MAN2C1: variants seen among roughly 807,000 people sequenced by gnomAD.
MAN2C1 encodes mannosidase alpha class 2C member 1.
A neutral mutation model predicts 126.9 loss-of-function variants in MAN2C1; 111 were observed. The observed-to-expected ratio is 0.87, with a 90% CI of 0.75 to 1.02. The LOEUF is 1.02. Ranked by LOEUF, MAN2C1 falls within the 50% of genes least tolerant of loss-of-function variation. The pLI is 0.00. For missense variants in MAN2C1, 1,363 were observed against 1,364.4 expected, an observed-to-expected ratio of 1.00 and a Z score of 0.02; for synonymous variants, 567 against 561.5, an observed-to-expected ratio of 1.01 and a Z score of -0.14.
Position 75,355,873 on chromosome 15 carries a change from G to A in MAN2C1, c.*33C>T. Reference sequence around the variant, plus strand: ...GAAGCAGAAATTAGGAGTCCCCAGAGCCTTCTACAAACAAAACCCCAGCCC... The same window carrying A: ...GAAGCAGAAATTAGGAGTCCCCAGAACCTTCTACAAACAAAACCCCAGCCC... On this transcript the variant is annotated 3_prime_UTR_variant, in exon 26 of 26. Coordinates refer to ENST00000267978, the MANE Select transcript of MAN2C1 (RefSeq NM_006715.4). 6.2e-7 allele frequency: 1 copy of A among 1,613,054 alleles called. No individual in the cohort carries two copies. The highest frequency in any genetic ancestry group is 8.5e-7 in the Non-Finnish European group (1 of 1,179,520).
chr15:75,358,879 G>A (rs575882296), intron 18 of MAN2C1, 71 bp from the exon 19 acceptor site: 6 of 1,416,034 alleles, frequency 4.2e-6, no homozygotes, highest in Non-Finnish European at 4.9e-6. Context: ...TGGTGGGGTA[G>A]GGTGGAGTGA....
rs2072308117 is a variant in MAN2C1 at position 75,356,566 on chromosome 15, T to C, written c.2737+40A>G. 6.4e-7 allele frequency: 1 copy of C among 1,550,822 alleles called. No homozygotes were observed. The highest frequency in any genetic ancestry group is 1.2e-5 in the South Asian group (1 of 84,502). On this transcript the variant is annotated intron_variant, in intron 23 of 25. Coordinates refer to ENST00000267978, the MANE Select transcript of MAN2C1 (RefSeq NM_006715.4). The surrounding 1 kb of genome is among the most constrained non-coding windows in gnomAD (Gnocchi z 5.8). ...GGGCTCAGGGAAGGGCAGAGAGGTG[T>C]CTAGGGCTGCAGGAAGGCCCCACCG...
chr15:75,361,339 G>C lies in MAN2C1; in HGVS notation c.1261C>G (p.Leu421Val). 1 of 1,567,530 alleles carries C rather than the reference G, an allele frequency of 6.4e-7. No homozygotes were observed. Among genetic ancestry groups the C allele is most frequent in the Non-Finnish European group, 8.7e-7 (1 of 1,155,652 alleles). ...FWEGLDGSRV[L>V]VHFPPGDSYG... Reference sequence around the variant, plus strand: ...GAGTCGCCAGGTGGGAAGTGGACCAGTACACGGGAGCCATCCAGGCCCTCC... The same window carrying C: ...GAGTCGCCAGGTGGGAAGTGGACCACTACACGGGAGCCATCCAGGCCCTCC... Residue 421 changes from leucine (L) to valine (V), a missense_variant, in exon 11 of 26, where the codon CTG becomes GTG. By Grantham distance (32) the Leu-to-Val change is conservative. Around this residue, in one of 3 missense-constraint regions of MAN2C1, gnomAD observed 628 missense variants for 609.8 expected, o/e 1.03. Transcript: ENST00000267978. The surrounding 1 kb of genome is among the most constrained non-coding windows in gnomAD (Gnocchi z 5.0).
At position 75,356,890 on chromosome 15, in the gene MAN2C1, G is replaced by A. The variant is rs777713379; in HGVS notation, c.2560C>T (p.Arg854Cys). ...DWARFEVWAHRWMDLSEHGFG... is the reference protein window; with the variant it reads ...DWARFEVWAHCWMDLSEHGFG... ...CCGTGTTCTGACAGATCCATCCAGC[G>A]ATGGGCCCACACCTGGAGGGCAGAT... Residue 854 changes from arginine to cysteine, a missense_variant, in exon 22 of 26, where the codon CGC becomes TGC. Transcript: ENST00000267978. The surrounding 1 kb of genome is among the most constrained non-coding windows in gnomAD (Gnocchi z 5.8). The A allele has an allele frequency of 2.9e-5, 47 of 1,613,870 alleles. No homozygotes were observed. The highest frequency in any genetic ancestry group is 3.8e-5 in the Non-Finnish European group (45 of 1,179,974).
At chr15:75,363,552 T>C (rs974224213) in intron 6 of MAN2C1, among the ~76,000 whole-genome samples, 1 of 152,168 alleles carries the variant, frequency 6.6e-6, no homozygotes, top group Non-Finnish European at 1.5e-5. Flanking sequence ...ATGCCTGTAA[T>C]CCCAGCACTT....
Position 75,368,580 on chromosome 15 carries a change from C to T in MAN2C1, c.4G>A (p.Ala2Thr), listed in dbSNP as rs748986075. The T allele has an allele frequency of 6.5e-7, 1 of 1,542,698 alleles. No individual in the cohort carries two copies. Among genetic ancestry groups the T allele is most frequent in the South Asian group, 1.2e-5 (1 of 83,786 alleles). M[A>T]AAPALKHWRT... ...CAGTGCTTCAAGGCCGGCGCAGCCG[C>T]CATCGCCGGGCTCTCGCTCCTCTTT... is the stretch of plus-strand genomic sequence containing the variant. The change falls in exon 1 of 26, where the codon GCG (alanine) becomes ACG (threonine). Residue 2 changes from alanine to threonine, a missense_variant. Ala to Thr is a moderately conservative substitution (Grantham distance 58). Coordinates refer to ENST00000267978, the MANE Select transcript of MAN2C1 (RefSeq NM_006715.4).
intron 20 of MAN2C1, 23 bp from the exon 21 acceptor site, chr15:75,358,367 G>A (rs1326505334): frequency 6.2e-7 from 1 of 1,613,880 alleles, no homozygotes; most frequent in African/African-American, 1.3e-5. Flanking sequence ...AGGAGGGTGG[G>A]AGTCAGGGAA....
At chr15:75,363,838 G>A in intron 6 of MAN2C1, 161 bp downstream of exon 6, 1 of 701,958 alleles carries the variant, frequency 1.4e-6, no homozygotes, top group South Asian at 2.0e-5. Flanking sequence ...AAAGCAAGCA[G>A]AGCCCACAGT....
intron 6 of MAN2C1, chr15:75,363,266 G>A (rs1240422351): frequency 2.2e-6 from 1 of 456,122 alleles, no homozygotes; most frequent in Non-Finnish European, 4.4e-6. Context: ...AACTTCGGCT[G>A]CATCAGAATC....
chr15:75,361,477 G>T lies in MAN2C1; in HGVS notation c.1219-96C>A. 1.6e-6 allele frequency: 2 copies of T among 1,278,304 alleles called. No homozygotes were observed. The highest frequency in any genetic ancestry group is 1.2e-5 in the South Asian group (1 of 82,964). The allele number at this position is 1,278,304 out of a possible 1,614,324, so 79.2% of individuals were successfully genotyped here. On this transcript the variant is annotated intron_variant, in intron 10 of 25. Coordinates refer to ENST00000267978, the MANE Select transcript of MAN2C1 (RefSeq NM_006715.4). The surrounding 1 kb of genome is among the most constrained non-coding windows in gnomAD (Gnocchi z 5.0). ...ACTTGGTCCTGCCCCTGCCTGCTATGTGACCCTGGCAGAGGCAGAGTGAGG... is the reference window on the plus strand; with the variant it reads ...ACTTGGTCCTGCCCCTGCCTGCTATTTGACCCTGGCAGAGGCAGAGTGAGG...
chr15:75,364,934 A>C (rs919778158), intron 4 of MAN2C1, among the ~76,000 whole-genome samples: 15 of 152,232 alleles, frequency 9.9e-5, no homozygotes, highest in African/African-American at 3.1e-4. Context: ...ATATTTCCAA[A>C]GTTGTCTTTG....
At chr15:75,359,796 C>T (rs1451569181) in intron 15 of MAN2C1, 21 bp from the exon 16 acceptor site, 2 of 1,613,574 alleles carry the variant, frequency 1.2e-6, no homozygotes, top group Non-Finnish European at 1.7e-6. Context: ...ACTGGCTGGT[C>T]ATAGGTGGGC....
intron 21 of MAN2C1, among the ~76,000 whole-genome samples, chr15:75,357,556 C>T (rs971994113): frequency 1.3e-5 from 2 of 151,956 alleles, no homozygotes; most frequent in Admixed American, 6.6e-5. Flanking sequence ...ATCCGCCCAC[C>T]TCGGCCTTCC....
intron 6 of MAN2C1, among the ~76,000 whole-genome samples, chr15:75,363,593 G>A (rs984914712): frequency 9.2e-5 from 14 of 152,192 alleles, no homozygotes; most frequent in Non-Finnish European, 1.8e-4. Context: ...ATCACCTGAG[G>A]TCAGGAGTTT....
intron 15 of MAN2C1, 62 bp downstream of exon 15, chr15:75,359,841 G>A (rs1366305122): frequency 2.9e-5 from 46 of 1,612,302 alleles, no homozygotes; most frequent in South Asian, 1.2e-4. Context: ...GTATCCCACA[G>A]GGGACACTCT....
intron 16 of MAN2C1, 59 bp downstream of exon 16, chr15:75,359,561 T>A: frequency 6.3e-7 from 1 of 1,596,840 alleles, no homozygotes; most frequent in Non-Finnish European, 8.5e-7. Context: ...ATCCCAGGCC[T>A]GATCTGTCTG....
At position 75,356,693 on chromosome 15, in the gene MAN2C1, G is replaced by A; in HGVS notation, c.2658-8C>T. The A allele has an allele frequency of 6.2e-7, 1 of 1,602,934 alleles. No homozygotes were observed. The highest frequency in any genetic ancestry group is 8.5e-7 in the Non-Finnish European group (1 of 1,175,204). On this transcript the variant is annotated splice_region_variant and splice_polypyrimidine_tract_variant and intron_variant, in intron 22 of 25. Transcript: ENST00000267978. The surrounding 1 kb of genome is among the most constrained non-coding windows in gnomAD (Gnocchi z 5.8). ...GCTTTAGGCGCCCGCAAGCTGGGGT[G>A]AGGAGGGCGCGTAGGGGCCACGCTG...
rs150189147 is a variant in MAN2C1, at chr15:75,364,654, T to C, written c.434A>G (p.Tyr145Cys). ...GAGCCCATTGCAGGCTACTTCCACA[T>C]AGAGAGTGAGGCTACAAAGATGGGG... is the stretch of plus-strand genomic sequence containing the variant. Reference protein sequence around the residue: ...GERDPRSLTLYVEVACNGLLG... With the variant: ...GERDPRSLTLCVEVACNGLLG... The change falls in exon 5 of 26, where the codon TAT (tyrosine) becomes TGT (cysteine). Residue 145 changes from tyrosine (Y) to cysteine (C), a missense_variant. Transcript: ENST00000267978. The C allele has an allele frequency of 1.2e-6, 2 of 1,610,860 alleles. No homozygotes were observed. The highest frequency in any genetic ancestry group is 1.7e-6 in the Non-Finnish European group (2 of 1,178,302).
In MAN2C1 at chr15:75,358,549, C is replaced by T. The variant is rs2072390216; in HGVS notation, c.2316G>A (p.Trp772Ter). Residue 772 changes from tryptophan to a stop codon, truncating the protein, a stop_gained, in exon 20 of 26, where the codon TGG becomes TGA. Coordinates refer to ENST00000267978, the MANE Select transcript of MAN2C1 (RefSeq NM_006715.4). LOFTEE classifies it high-confidence loss of function. The part of the protein sequence containing the change: ...GTEGGLRGSA[W>*]FLLQISPNSR... ...TGTTGGGGCTGATCTGTAGCAAGAACCAGGCGCTGCCCCGCAGGCCGCCCT... is the reference window on the plus strand; with the variant it reads ...TGTTGGGGCTGATCTGTAGCAAGAATCAGGCGCTGCCCCGCAGGCCGCCCT... The T allele has an allele frequency of 6.2e-7, 1 of 1,613,334 alleles. No homozygotes were observed. Among genetic ancestry groups the T allele is most frequent in the Non-Finnish European group, 8.5e-7 (1 of 1,180,038 alleles).
Sources: gnomAD v4.1 joint callset for allele counts (sites outside exome capture counted in the v4.1 genomes callset) on GRCh38, gnomAD v4.1.1 for gene constraint, gnomAD v4.1.1 regional missense constraint, Gnocchi (gnomAD v3.1) non-coding constraint, MANE v1.5 for transcripts, NCBI Gene and HGNC (gene_info 2026-07-23, HGNC 2026-07-21) for gene names.